The following DENND1A variants were observed in gnomAD, a reference collection of about 807,000 sequenced individuals.
The protein encoded by DENND1A is DENN domain containing 1A, also known as DENN domain-containing protein 1A.
DENND1A carries 51 observed loss-of-function variants against 113.7 expected under a neutral mutation model. That is an observed-to-expected ratio of 0.45 (90% CI 0.36 to 0.57). DENND1A has a LOEUF of 0.57. DENND1A is among the 20% of genes least tolerant of loss of function. The pLI is 0.00. For synonymous variants in DENND1A, 565 were observed against 570.8 expected, an observed-to-expected ratio of 0.99 and a Z score of 0.14; for missense variants, 1,258 against 1,395.9, an observed-to-expected ratio of 0.90 and a Z score of 1.57.
intron 5 of DENND1A, among the ~76,000 whole-genome samples, chr9:123,690,124 A>T (rs1207302030): frequency 1.8e-5 from 1 of 54,394 alleles, no homozygotes; most frequent in Non-Finnish European, 3.2e-5. Context: ...AAAAGGAGGG[A>T]GGGGGGAAGA....
intron 5 of DENND1A, among the ~76,000 whole-genome samples, chr9:123,702,556 G>C (rs2065944677): frequency 6.6e-6 from 1 of 152,080 alleles, no homozygotes; most frequent in Admixed American, 6.6e-5. Context: ...CCTGAAAGCA[G>C]CAAGACAAAA....
chr9:123,801,069 G>T (rs1214168726), intron 2 of DENND1A, among the ~76,000 whole-genome samples: 1 of 152,174 alleles, frequency 6.6e-6, no homozygotes, highest in African/African-American at 2.4e-5. Flanking sequence ...ACTCCACCCT[G>T]CTTCCAGGGA....
At chr9:123,407,407 C>G (rs1193596155) in intron 20 of DENND1A, among the ~76,000 whole-genome samples, 1 of 152,114 alleles carries the variant, frequency 6.6e-6, no homozygotes, top group Non-Finnish European at 1.5e-5. Context: ...CTCACAGAGG[C>G]ACGCGCAAGA....
chr9:123,798,192 C>A (rs897341717), intron 2 of DENND1A: 1 of 152,120 alleles, frequency 6.6e-6, no homozygotes, highest in African/African-American at 2.4e-5. Context: ...AACATAGGAA[C>A]AGTTAACCAT....
chr9:123,799,992 T>A (rs551376193), intron 2 of DENND1A, among the ~76,000 whole-genome samples: 29 of 152,350 alleles, frequency 1.9e-4, no homozygotes, highest in African/African-American at 7.0e-4. Flanking sequence ...AAATTGGAAA[T>A]ACATGTGTTC....
intron 5 of DENND1A, among the ~76,000 whole-genome samples, chr9:123,698,745 G>C (rs1252244740): frequency 1.3e-5 from 2 of 152,180 alleles, no homozygotes; most frequent in Non-Finnish European, 2.9e-5. Context: ...TCAAGCCACT[G>C]GCAACCAAAA....
At chr9:123,657,953 T>C (rs1041905343) in intron 8 of DENND1A, among the ~76,000 whole-genome samples, 1 of 151,944 alleles carries the variant, frequency 6.6e-6, no homozygotes, top group South Asian at 2.1e-4. Context: ...TCCATGTGAA[T>C]AGAAAAACCA....
chr9:123,642,918 C>G (rs528504206), intron 9 of DENND1A, among the ~76,000 whole-genome samples: 1 of 152,156 alleles, frequency 6.6e-6, no homozygotes. Context: ...GACAAGGTGG[C>G]GTTCGTCAGG....
chr9:123,474,194 A>G (rs2133466631), intron 13 of DENND1A, among the ~76,000 whole-genome samples: 1 of 151,922 alleles, frequency 6.6e-6, no homozygotes, highest in African/African-American at 2.4e-5. Context: ...GGGGTTTCAC[A>G]ATGTTAGTCA....
At chr9:123,867,745 TC>T (rs1845985439) in intron 2 of DENND1A, among the ~76,000 whole-genome samples, 1 of 151,842 alleles carries the variant, frequency 6.6e-6, no homozygotes, top group African/African-American at 2.4e-5. Context: ...CCCAACACAC[TC>T]CCTTATCCTC....
Position 123,725,756 on chromosome 9 carries a change from G to A in DENND1A, c.302+31947C>T, listed in dbSNP as rs77751670. ...AGAAGGAGAATCGATGGGTTCCTTT[G>A]TAAACAACTTCTTGTGCTTTCGGGC... On this transcript the variant is annotated intron_variant, in intron 5 of 23. Coordinates refer to ENST00000394215, the MANE Select transcript of DENND1A (RefSeq NM_001352964.2). Among the ~76,000 whole-genome samples the A allele has an allele frequency of 1.6e-4, 24 of 152,356 alleles. No homozygotes were observed. In the East Asian group the frequency reaches 3.9e-3, roughly 24 times the overall value.
At chr9:123,435,995 C>A (rs970213824) in intron 19 of DENND1A, among the ~76,000 whole-genome samples, 1 of 152,240 alleles carries the variant, frequency 6.6e-6, no homozygotes, top group Admixed American at 6.5e-5. Context: ...GCAGTTTCCA[C>A]AGGGGTCCTC....
intron 21 of DENND1A, among the ~76,000 whole-genome samples, chr9:123,396,621 T>C (rs2043153531): frequency 6.6e-6 from 1 of 152,262 alleles, no homozygotes; most frequent in African/African-American, 2.4e-5. Context: ...TGGCAGCTTC[T>C]TCTGATCTTA....
intron 2 of DENND1A, among the ~76,000 whole-genome samples, chr9:123,841,554 G>A (rs1841841070): frequency 6.6e-6 from 1 of 152,084 alleles, no homozygotes; most frequent in Admixed American, 6.6e-5. Context: ...AGAAGCTCAG[G>A]CAAACTAACA....
intron 13 of DENND1A, among the ~76,000 whole-genome samples, chr9:123,483,779 G>C (rs1165988500): frequency 6.6e-6 from 1 of 152,178 alleles, no homozygotes; most frequent in East Asian, 1.9e-4. Flanking sequence ...TTGTAAGATG[G>C]GGATAATTCC....
chr9:123,841,846 C>G (rs1841885983), intron 2 of DENND1A, among the ~76,000 whole-genome samples: 1 of 152,038 alleles, frequency 6.6e-6, no homozygotes, highest in Non-Finnish European at 1.5e-5. Flanking sequence ...AGGCAGGTGA[C>G]CAGGATGAAG....
intron 1 of DENND1A, among the ~76,000 whole-genome samples, chr9:123,920,406 G>A (rs565357368): frequency 1.3e-5 from 2 of 152,298 alleles, no homozygotes; most frequent in South Asian, 4.1e-4. Context: ...TCCAGCCTGG[G>A]CGACAAGAGC....
chr9:123,419,577 A>G (rs1291302319), intron 19 of DENND1A, among the ~76,000 whole-genome samples: 1 of 152,268 alleles, frequency 6.6e-6, no homozygotes, highest in East Asian at 1.9e-4. Context: ...TGCATGAAAC[A>G]GACCCGGTTG....
At chr9:123,580,683 G>A (rs187395473) in intron 12 of DENND1A, among the ~76,000 whole-genome samples, 2 of 152,320 alleles carry the variant, frequency 1.3e-5, no homozygotes, top group African/African-American at 4.8e-5. Flanking sequence ...CTTGTCCACT[G>A]AAAGGAAACA....
Sources: gnomAD v4.1 joint callset for allele counts (sites outside exome capture counted in the v4.1 genomes callset) on GRCh38, gnomAD v4.1.1 for gene constraint, MANE v1.5 for transcripts, NCBI Gene and HGNC (gene_info 2026-07-23, HGNC 2026-07-21) for gene names.